CDH13: variants seen among roughly 807,000 people sequenced by gnomAD.
CDH13 encodes the protein cadherin 13.
A neutral mutation model predicts 63.8 loss-of-function variants in CDH13; 24 were observed. The ratio of observed to expected loss-of-function variants is 0.38; its 90% CI spans 0.27 to 0.53. The LOEUF (loss-of-function observed/expected upper bound fraction) is 0.53. Ranked by LOEUF, CDH13 falls within the 20% of genes least tolerant of loss-of-function variation. The pLI is 0.85. For missense variants in CDH13, 1,049 were observed against 903.1 expected (o/e 1.16, Z -2.07); for synonymous variants, 503 against 355.3 (o/e 1.42, Z -4.67).
At chr16:83,199,217 T>C (rs573685243) in intron 4 of CDH13, among the ~76,000 whole-genome samples, 8 of 152,230 alleles carry the variant, frequency 5.3e-5, no homozygotes, top group Non-Finnish European at 1.0e-4. Flanking sequence ...CACGGTGCCA[T>C]GTGGGCTTGG....
At chr16:83,029,855 A>G (rs1211694755) in intron 2 of CDH13, among the ~76,000 whole-genome samples, 1 of 152,198 alleles carries the variant, frequency 6.6e-6, no homozygotes, top group Admixed American at 6.6e-5. Flanking sequence ...ATGTGTCTAC[A>G]TTATGCTTCA....
chr16:82,924,961 A>G lies in CDH13; in HGVS notation c.157+66488A>G, dbSNP rs187681222. Among the ~76,000 whole-genome samples the G allele has an allele frequency of 6.2e-4, 95 of 152,288 alleles. 1 individual carries two copies. Among genetic ancestry groups the G allele is most frequent in the South Asian group, 1.5e-3 (7 of 4,826 alleles). On this transcript the variant is annotated intron_variant, in intron 2 of 13. Transcript: ENST00000567109. Reference sequence around the variant, plus strand: ...AAAAATAGATGTTTATTTTTTCCTTAAAAACTTCGCATGAGACTTTAGAAC... The same window carrying G: ...AAAAATAGATGTTTATTTTTTCCTTGAAAACTTCGCATGAGACTTTAGAAC...
chr16:83,441,770 A>C (rs547482814), intron 6 of CDH13, among the ~76,000 whole-genome samples: 1 of 152,140 alleles, frequency 6.6e-6, no homozygotes, highest in Non-Finnish European at 1.5e-5. Flanking sequence ...GTGGAGCCCT[A>C]TGAGTAAATG....
At chr16:83,610,741 G>T (rs1455321172) in intron 8 of CDH13, among the ~76,000 whole-genome samples, 1 of 152,148 alleles carries the variant, frequency 6.6e-6, no homozygotes, top group East Asian at 1.9e-4. Flanking sequence ...GTTATTTCCA[G>T]TTTGGGGATA....
Position 83,225,815 on chromosome 16 carries a change from TTG to T in CDH13, c.636+8322_636+8323del, listed in dbSNP as rs561890455. 4.0e-3 allele frequency among the ~76,000 whole-genome samples: 602 copies of T among 152,354 alleles called. 3 individuals carry two copies. The highest frequency in any genetic ancestry group is 6.1e-3 in the Admixed American group (93 of 15,302). On this transcript the variant is annotated intron_variant, in intron 5 of 13. Transcript: ENST00000567109. The stretch of plus-strand genomic sequence containing the variant: ...TTGTGAAGCCAAGTTTGAGAAACTG[TTG>T]TGTTACTATAACTTGTCTGTACCCC...
intron 4 of CDH13, among the ~76,000 whole-genome samples, chr16:83,172,134 C>T (rs1261971944): frequency 6.6e-6 from 1 of 151,228 alleles, no homozygotes; most frequent in Non-Finnish European, 1.5e-5. Context: ...TATAATATGA[C>T]TGATGCCTAT....
chr16:83,201,715 G>A (rs1003848680), intron 4 of CDH13, among the ~76,000 whole-genome samples: 8 of 151,230 alleles, frequency 5.3e-5, no homozygotes, highest in Admixed American at 5.3e-4. Flanking sequence ...GGCTAACATG[G>A]TGAAACCCCG....
At chr16:83,271,138 G>A (rs17679225) in intron 5 of CDH13, among the ~76,000 whole-genome samples, 25,684 of 151,712 alleles carry the variant, frequency 0.17, 2,258 homozygotes, top group Admixed American at 0.2. Context: ...CAGTTTATTG[G>A]TTTTGACCAC....
chr16:82,974,510 C>CA lies in CDH13; in HGVS notation c.158-57498dup, dbSNP rs772332790. ...GGTATGACAGGCAGAATAATGACCC[C>CA]AATGATATCCACATTCTAATACCTA... On this transcript the variant is annotated intron_variant, in intron 2 of 13. Transcript: ENST00000567109. Among the ~76,000 whole-genome samples the CA allele has an allele frequency of 9.1e-4, 139 of 152,254 alleles. 2 individuals are homozygous for CA. Among genetic ancestry groups the CA allele is most frequent in the Middle Eastern group, 3.4e-3 (1 of 294 alleles).
At chr16:83,000,957 A>G (rs1399718520) in intron 2 of CDH13, among the ~76,000 whole-genome samples, 1 of 152,078 alleles carries the variant, frequency 6.6e-6, no homozygotes, top group Non-Finnish European at 1.5e-5. Context: ...CTCTTTCCTC[A>G]GCGCTTTTCA....
intron 6 of CDH13, among the ~76,000 whole-genome samples, chr16:83,385,052 T>C (rs1259283497): frequency 2.0e-5 from 3 of 152,244 alleles, no homozygotes; most frequent in African/African-American, 7.2e-5. Context: ...GCCCCTACTG[T>C]CTCTACATTT....
intron 7 of CDH13, among the ~76,000 whole-genome samples, chr16:83,525,289 C>T (rs971306612): frequency 2.8e-4 from 42 of 152,322 alleles, no homozygotes; most frequent in African/African-American, 8.7e-4. Context: ...ACTTTGTCTG[C>T]ACTAGATCCT....
At chr16:82,800,561 G>C (rs1480665592) in intron 1 of CDH13, among the ~76,000 whole-genome samples, 1 of 152,066 alleles carries the variant, frequency 6.6e-6, no homozygotes, top group African/African-American at 2.4e-5. Flanking sequence ...CATTAACAAA[G>C]GGCTCATAAC....
intron 1 of CDH13, among the ~76,000 whole-genome samples, chr16:82,687,321 A>G (rs774586344): frequency 4.6e-5 from 7 of 152,170 alleles, no homozygotes; most frequent in Non-Finnish European, 8.8e-5. Flanking sequence ...AATTTATAGC[A>G]AGATGTAAGT....
At chr16:82,769,271 A>G (rs546488997) in intron 1 of CDH13, among the ~76,000 whole-genome samples, 25 of 152,318 alleles carry the variant, frequency 1.6e-4, no homozygotes, top group Non-Finnish European at 3.1e-4. Flanking sequence ...AGTTGCAGGT[A>G]TACTTAAACT....
intron 2 of CDH13, among the ~76,000 whole-genome samples, chr16:82,898,548 A>G (rs954663242): frequency 6.6e-6 from 1 of 152,220 alleles, no homozygotes; most frequent in Non-Finnish European, 1.5e-5. Flanking sequence ...TATGGTTCCT[A>G]TTATAATTCT....
At position 82,675,788 on chromosome 16, in the gene CDH13, T is replaced by TAACAC. The variant is rs1490227937; in HGVS notation, c.45+48654_45+48658dup. 2.6e-5 allele frequency among the ~76,000 whole-genome samples: 4 copies of TAACAC among 152,182 alleles called. No homozygotes were observed. In the East Asian group the frequency reaches 7.7e-4, roughly 29 times the overall value. ...GTCCAGCCTTTGTGACCTCTGCCTT[T>TAACAC]AACACAAACACCTTGTTTAAAAAGT... On this transcript the variant is annotated intron_variant, in intron 1 of 13. Coordinates refer to ENST00000567109, the MANE Select transcript of CDH13 (RefSeq NM_001257.5).
At chr16:83,637,338 G>A (rs1393364360) in intron 8 of CDH13, among the ~76,000 whole-genome samples, 9 of 82,834 alleles carry the variant, frequency 1.1e-4, no homozygotes, top group African/African-American at 4.8e-4. Context: ...CGCAGAAGAC[G>A]GTGATTTCTG....
intron 3 of CDH13, among the ~76,000 whole-genome samples, chr16:83,114,891 T>G (rs1180811107): frequency 6.6e-6 from 1 of 152,216 alleles, no homozygotes; most frequent in Non-Finnish European, 1.5e-5. Flanking sequence ...CTAGCAACTT[T>G]GTAGCACAAT....
Sources: allele counts gnomAD v4.1 joint callset (sites outside exome capture counted in the v4.1 genomes callset), GRCh38; gene constraint gnomAD v4.1.1; transcripts MANE v1.5; gene names NCBI Gene and HGNC (gene_info 2026-07-23, HGNC 2026-07-21).